Variants in GRIK2 observed in about 807,000 individuals in gnomAD.
GRIK2 encodes glutamate receptor ionotropic, kainate 2.
Under a neutral mutation model 100.3 loss-of-function variants are expected in GRIK2, and 32 were observed. The ratio of observed to expected loss-of-function variants is 0.32; its 90% CI spans 0.24 to 0.43. GRIK2 has a LOEUF of 0.43. Ranked by LOEUF, GRIK2 falls within the 20% of genes least tolerant of loss-of-function variation. The probability of loss-of-function intolerance (pLI) is 1.00; values close to 1 mark genes in which losing one functional copy is unlikely to be tolerated. For missense variants in GRIK2, 843 were observed against 1,114.9 expected (o/e 0.76, Z 3.47); for synonymous variants, 417 against 389.4 (o/e 1.07, Z -0.83).
rs201628790 is a variant in GRIK2 at position 101,415,305 on chromosome 6, A to AT, written c.115+15920dup. 1.1e-3 allele frequency among the ~76,000 whole-genome samples: 160 copies of AT among 142,664 alleles called. 1 individual carries two copies. Among genetic ancestry groups the AT allele is most frequent in the African/African-American group, 4.0e-3 (154 of 38,596 alleles). The allele number at this position is 142,664 out of a possible 152,430, so 93.6% of individuals were successfully genotyped here. A position where few individuals can be genotyped will look rare whatever the true frequency, so the allele number is the denominator to read the frequency against. On this transcript the variant is annotated intron_variant, in intron 2 of 16. Coordinates refer to ENST00000369134, the MANE Select transcript of GRIK2 (RefSeq NM_021956.5). Reference sequence around the variant, plus strand: ...TGATCTTACTGTATATGTTTTGTTAATTTTTTTCATTTAACCCTTTATTGT... The same window carrying AT: ...TGATCTTACTGTATATGTTTTGTTAATTTTTTTTCATTTAACCCTTTATTGT...
intron 7 of GRIK2, among the ~76,000 whole-genome samples, chr6:101,715,903 A>G (rs1774030569): frequency 6.6e-6 from 1 of 151,812 alleles, no homozygotes; most frequent in Admixed American, 6.6e-5. Context: ...TGGCCTAAAT[A>G]TGTTGTTTGT....
chr6:101,795,969 T>TTA (rs1780276711), intron 7 of GRIK2, among the ~76,000 whole-genome samples: 1 of 152,222 alleles, frequency 6.6e-6, no homozygotes, highest in African/African-American at 2.4e-5. Flanking sequence ...CATTATGTAT[T>TTA]TATGAAAAAA....
At chr6:101,487,799 T>G (rs1293209332) in intron 2 of GRIK2, among the ~76,000 whole-genome samples, 1 of 146,532 alleles carries the variant, frequency 6.8e-6, no homozygotes, top group Non-Finnish European at 1.5e-5. Context: ...GATCAAACTA[T>G]TGGTCTTCAT....
At chr6:101,916,240 T>C (rs1403363659) in intron 12 of GRIK2, among the ~76,000 whole-genome samples, 1 of 151,524 alleles carries the variant, frequency 6.6e-6, no homozygotes, top group Non-Finnish European at 1.5e-5. Context: ...TATTCCATAA[T>C]ATTTTTAATA....
At chr6:101,728,962 A>G (rs1775066644) in intron 7 of GRIK2, among the ~76,000 whole-genome samples, 1 of 151,372 alleles carries the variant, frequency 6.6e-6, no homozygotes, top group Non-Finnish European at 1.5e-5. Context: ...ATTAAAAGCA[A>G]TTTTTTTTTG....
chr6:101,920,209 C>T (rs1324971479), intron 12 of GRIK2, among the ~76,000 whole-genome samples: 2 of 151,794 alleles, frequency 1.3e-5, no homozygotes, highest in Non-Finnish European at 1.5e-5. Context: ...AGTGGTTAAG[C>T]GTCTCTAATG....
At chr6:101,619,973 G>A (rs1281413080) in intron 2 of GRIK2, among the ~76,000 whole-genome samples, 1 of 152,030 alleles carries the variant, frequency 6.6e-6, no homozygotes, top group African/African-American at 2.4e-5. Context: ...GGTTCATTGT[G>A]ACCTCAAATA....
intron 2 of GRIK2, among the ~76,000 whole-genome samples, chr6:101,417,726 A>G (rs561826713): frequency 8.5e-5 from 13 of 152,278 alleles, no homozygotes; most frequent in African/African-American, 3.1e-4. Context: ...ATAACCTACT[A>G]TTGCTTCTGG....
intron 8 of GRIK2, among the ~76,000 whole-genome samples, 160 bp from the exon 9 acceptor site, chr6:101,802,171 G>T (rs1780712481): frequency 6.6e-6 from 1 of 151,696 alleles, no homozygotes; most frequent in Non-Finnish European, 1.5e-5. Context: ...AATTTATGTA[G>T]AAAAACATTT....
At chr6:101,833,399 T>TG (rs1782831043) in intron 10 of GRIK2, among the ~76,000 whole-genome samples, 2 of 122,392 alleles carry the variant, frequency 1.6e-5, no homozygotes, top group Admixed American at 1.8e-4. Context: ...CCCGGCTAAT[T>TG]TTTTTTTGTA....
chr6:102,041,421 T>G (rs930812749), intron 15 of GRIK2, among the ~76,000 whole-genome samples: 1 of 151,558 alleles, frequency 6.6e-6, no homozygotes, highest in Non-Finnish European at 1.5e-5. Flanking sequence ...TTAGCAGAGG[T>G]GGGTAAGATC....
At chr6:101,811,415 T>C (rs1310545771) in intron 9 of GRIK2, among the ~76,000 whole-genome samples, 1 of 152,040 alleles carries the variant, frequency 6.6e-6, no homozygotes, top group Non-Finnish European at 1.5e-5. Context: ...TCTACCAACA[T>C]CCAGTGAATA....
At chr6:101,990,461 A>G (rs1794293134) in intron 14 of GRIK2, among the ~76,000 whole-genome samples, 1 of 151,668 alleles carries the variant, frequency 6.6e-6, no homozygotes, top group South Asian at 2.1e-4. Context: ...TTTCCACTTA[A>G]TATTTTGTTC....
intron 2 of GRIK2, among the ~76,000 whole-genome samples, chr6:101,414,648 A>G (rs576373268): frequency 6.6e-6 from 1 of 152,142 alleles, no homozygotes; most frequent in East Asian, 1.9e-4. Context: ...GTTGTTTTGC[A>G]TGATCTAAAA....
intron 12 of GRIK2, among the ~76,000 whole-genome samples, chr6:101,913,378 C>T (rs1029234617): frequency 5.9e-5 from 9 of 151,554 alleles, no homozygotes; most frequent in Non-Finnish European, 8.9e-5. Flanking sequence ...CTACATTCTA[C>T]ATAACACTGA....
At chr6:101,420,831 A>C (rs2128240222) in intron 2 of GRIK2, among the ~76,000 whole-genome samples, 1 of 152,248 alleles carries the variant, frequency 6.6e-6, no homozygotes, top group Middle Eastern at 3.4e-3. Context: ...ATATTGTATT[A>C]GAGTTTCTAG....
intron 7 of GRIK2, among the ~76,000 whole-genome samples, chr6:101,715,338 A>G (rs1263474020): frequency 6.6e-6 from 1 of 151,790 alleles, no homozygotes; most frequent in Non-Finnish European, 1.5e-5. Context: ...TGATAGGGAC[A>G]GATCCCCCAC....
At chr6:101,910,998 T>TA (rs1459869496) in intron 12 of GRIK2, among the ~76,000 whole-genome samples, 1 of 151,428 alleles carries the variant, frequency 6.6e-6, no homozygotes, top group African/African-American at 2.4e-5. Flanking sequence ...AGTGGCCCCT[T>TA]AAAGAGAGGC....
intron 2 of GRIK2, among the ~76,000 whole-genome samples, chr6:101,621,041 G>A (rs181663184): frequency 2.4e-3 from 364 of 152,270 alleles, no homozygotes; most frequent in African/African-American, 8.2e-3. Context: ...TTGTTTTGGA[G>A]AGGCATCCTT....
Sources: gnomAD v4.1 joint callset for allele counts (sites outside exome capture counted in the v4.1 genomes callset) on GRCh38, gnomAD v4.1.1 for gene constraint, MANE v1.5 for transcripts, NCBI Gene and HGNC (gene_info 2026-07-23, HGNC 2026-07-21) for gene names.